The following DMRT1 variants were observed in gnomAD, a reference collection of about 807,000 sequenced individuals.
DMRT1 encodes the protein doublesex and mab-3 related transcription factor 1.
Under a neutral mutation model 32.3 loss-of-function variants are expected in DMRT1, and 7 were observed. That is an observed-to-expected ratio of 0.22 (90% CI 0.12 to 0.41). DMRT1 has a LOEUF of 0.41. Among genes scored for constraint, DMRT1 ranks in the 10% least tolerant of loss-of-function variants. DMRT1 has a pLI of 1.00. For synonymous variants in DMRT1, 278 were observed against 206.1 expected (o/e 1.35, Z -2.99); for missense variants, 625 against 500.5 (o/e 1.25, Z -2.37).
chr9:850,184 T>A (rs1181255200), intron 2 of DMRT1, among the ~76,000 whole-genome samples: 1 of 152,198 alleles, frequency 6.6e-6, no homozygotes, highest in Non-Finnish European at 1.5e-5. Context: ...CTGTCATTCA[T>A]GGGATTTGCT....
intron 4 of DMRT1, among the ~76,000 whole-genome samples, chr9:922,241 C>A (rs1818378188): frequency 6.6e-6 from 1 of 151,978 alleles, no homozygotes; most frequent in Admixed American, 6.6e-5. Context: ...AGTACCAGAC[C>A]ACGGTGGGTT....
intron 4 of DMRT1, among the ~76,000 whole-genome samples, chr9:923,962 C>T (rs1818437298): frequency 6.6e-6 from 1 of 152,058 alleles, no homozygotes; most frequent in Admixed American, 6.6e-5. Context: ...GTAAGTGGGG[C>T]TTTCAGTGGC....
At chr9:962,947 G>T (rs1273941790) in intron 4 of DMRT1, among the ~76,000 whole-genome samples, 1 of 152,098 alleles carries the variant, frequency 6.6e-6, no homozygotes, top group East Asian at 1.9e-4. Flanking sequence ...AAGGATGCTT[G>T]CTTGGCTCTG....
intron 4 of DMRT1, among the ~76,000 whole-genome samples, chr9:926,054 C>G (rs551394916): frequency 2.6e-5 from 4 of 152,322 alleles, no homozygotes; most frequent in African/African-American, 4.8e-5. Flanking sequence ...ACCTGTCTTA[C>G]AGGTAGCACA....
chr9:863,170 T>C (rs1459740494), intron 2 of DMRT1, among the ~76,000 whole-genome samples: 1 of 92,122 alleles, frequency 1.1e-5, no homozygotes, highest in Non-Finnish European at 2.4e-5. Context: ...AAAAAAAAAT[T>C]AGCCAGGTGT....
intron 4 of DMRT1, among the ~76,000 whole-genome samples, chr9:935,741 C>T (rs1293144755): frequency 6.6e-6 from 1 of 152,184 alleles, no homozygotes; most frequent in Admixed American, 6.5e-5. Context: ...CCTCCAGACC[C>T]GTTGAGTAAA....
chr9:887,651 T>C (rs1816983684), intron 2 of DMRT1, among the ~76,000 whole-genome samples: 1 of 152,252 alleles, frequency 6.6e-6, no homozygotes, highest in African/African-American at 2.4e-5. Context: ...ACTCTATTGG[T>C]ATTATTCTCC....
intron 4 of DMRT1, among the ~76,000 whole-genome samples, chr9:948,282 CA>C (rs1293827038): frequency 1.3e-5 from 2 of 152,088 alleles, no homozygotes; most frequent in Non-Finnish European, 2.9e-5. Flanking sequence ...CAGTTTTTCT[CA>C]TCGTTATCTT....
intron 1 of DMRT1, among the ~76,000 whole-genome samples, chr9:844,838 G>C (rs954664383): frequency 2.0e-5 from 3 of 149,942 alleles, no homozygotes; most frequent in Non-Finnish European, 4.4e-5. Flanking sequence ...CTTCTGCCTC[G>C]GCCTCCCGAG....
At chr9:921,794 C>A (rs1818362839) in intron 4 of DMRT1, among the ~76,000 whole-genome samples, 1 of 152,202 alleles carries the variant, frequency 6.6e-6, no homozygotes, top group African/African-American at 2.4e-5. Flanking sequence ...GGCAGGAAGA[C>A]CACTAGAGCC....
intron 3 of DMRT1, among the ~76,000 whole-genome samples, chr9:911,209 A>G (rs1223746776): frequency 6.6e-6 from 1 of 152,148 alleles, no homozygotes; most frequent in Non-Finnish European, 1.5e-5. Flanking sequence ...CTTGACCACT[A>G]GATGCCAGCA....
intron 3 of DMRT1, among the ~76,000 whole-genome samples, chr9:904,770 C>T (rs192832013): frequency 8.5e-5 from 13 of 152,242 alleles, no homozygotes; most frequent in Admixed American, 2.0e-4. Context: ...CATGGAGAAA[C>T]CCTGTCTCTA....
At chr9:896,285 CTTTTTT>C (rs1195951813) in intron 3 of DMRT1, among the ~76,000 whole-genome samples, 1 of 121,768 alleles carries the variant, frequency 8.2e-6, no homozygotes. Flanking sequence ...CTTGTCTTTT[CTTTTTT>C]TTTTTTTTTT....
chr9:936,062 C>T (rs1290520052), intron 4 of DMRT1, among the ~76,000 whole-genome samples: 1 of 152,176 alleles, frequency 6.6e-6, no homozygotes, highest in African/African-American at 2.4e-5. Flanking sequence ...TATGTGGCAA[C>T]AATGCAGAGC....
At chr9:907,098 C>G (rs1003590243) in intron 3 of DMRT1, among the ~76,000 whole-genome samples, 1 of 152,160 alleles carries the variant, frequency 6.6e-6, no homozygotes, top group African/African-American at 2.4e-5. Context: ...ATCATCAGTA[C>G]AACCCCCATC....
chr9:944,956 C>T (rs879856050), intron 4 of DMRT1, among the ~76,000 whole-genome samples: 4 of 151,656 alleles, frequency 2.6e-5, no homozygotes, highest in South Asian at 4.2e-4. Context: ...CCCAAACAAC[C>T]GACTTAATCT....
chr9:911,998 C>A (rs925740195), intron 3 of DMRT1, among the ~76,000 whole-genome samples: 3 of 152,064 alleles, frequency 2.0e-5, no homozygotes, highest in Admixed American at 6.6e-5. Flanking sequence ...CTACCCAAGA[C>A]TGGGTAATTT....
intron 3 of DMRT1, among the ~76,000 whole-genome samples, chr9:901,501 AT>A (rs1817573466): frequency 6.6e-6 from 1 of 150,500 alleles, no homozygotes; most frequent in African/African-American, 2.5e-5. Context: ...TAATTTTTGT[AT>A]TTTTAGTAGA....
chr9:907,590 C>T (rs1177821633), intron 3 of DMRT1, among the ~76,000 whole-genome samples: 1 of 152,114 alleles, frequency 6.6e-6, no homozygotes, highest in African/African-American at 2.4e-5. Context: ...TACTTGCATC[C>T]CTTTACCTGA....
Sources: allele counts gnomAD v4.1 joint callset (sites outside exome capture counted in the v4.1 genomes callset), GRCh38; gene constraint gnomAD v4.1.1; transcripts MANE v1.5; gene names NCBI Gene and HGNC (gene_info 2026-07-23, HGNC 2026-07-21).